Variants in ALG1 observed in about 807,000 individuals in gnomAD.
ALG1 encodes the protein chitobiosyldiphosphodolichol beta-mannosyltransferase.
In ALG1, 58 loss-of-function variants were observed where a neutral mutation model predicts 55.1. That is an observed-to-expected ratio of 1.05 (90% CI 0.85 to 1.31). ALG1 has a LOEUF of 1.31. Ranked by LOEUF, ALG1 falls within the 50% of genes most tolerant of loss-of-function variation. The pLI is 0.00. For missense variants in ALG1, 761 were observed against 598.6 expected, an observed-to-expected ratio of 1.27 and a Z score of -2.83; for synonymous variants, 309 against 247.0, an observed-to-expected ratio of 1.25 and a Z score of -2.35.
rs745454641 is a variant in ALG1 at position 5,078,037 on chromosome 16, C to G, written c.740+20C>G. On this transcript the variant is annotated intron_variant, in intron 6 of 12. Transcript: ENST00000262374. ...GGCCCGGTAGGCCTCCCATCCTCAG[C>G]TGCCTTCTCTCCTGCTCGCCACTGC... The G allele has an allele frequency of 1.9e-6, 3 of 1,596,522 alleles. No homozygotes were observed. In the African/African-American group the frequency reaches 4.0e-5, roughly 21 times the overall value.
chr16:5,083,912 C>T (rs1360605319), intron 12 of ALG1, among the ~76,000 whole-genome samples, 155 bp downstream of exon 12: 3 of 152,156 alleles, frequency 2.0e-5, no homozygotes, highest in African/African-American at 4.8e-5. Flanking sequence ...GGCTGGCCCA[C>T]TCTGCTGTCC....
rs766302278 is a variant in ALG1, at chr16:5,078,922, C to G, written c.862+44C>G. The G allele has an allele frequency of 4.4e-6, 7 of 1,605,918 alleles. No homozygotes were observed. In the Admixed American group the frequency reaches 1.2e-4, roughly 27 times the overall value. On this transcript the variant is annotated intron_variant, in intron 7 of 12. Transcript: ENST00000262374. ...GCACTTGGGGTTGGTGTGACGGGCA[C>G]CTGGCCAACCTGTGTTCTCCTCACC...
chr16:5,085,377 C>G lies in ALG1; in HGVS notation c.*496C>G, dbSNP rs1335028747. 4 of 541,490 alleles carry G rather than the reference C, an allele frequency of 7.4e-6. No homozygotes were observed. The highest frequency in any genetic ancestry group is 5.7e-5 in the African/African-American group (3 of 52,238). The allele number at this position is 541,490 out of a possible 1,614,324, so 33.5% of individuals were successfully genotyped here. A position where few individuals can be genotyped will look rare whatever the true frequency, so the allele number is the denominator to read the frequency against. On this transcript the variant is annotated 3_prime_UTR_variant, in exon 13 of 13. Coordinates refer to ENST00000262374, the MANE Select transcript of ALG1 (RefSeq NM_019109.5). ...CGTTTTTATTTGCACAAAGAAAATG[C>G]TATTTTTGGAGCCAGAATTTTCATG...
intron 10 of ALG1, among the ~76,000 whole-genome samples, chr16:5,082,306 C>G (rs1440272869): frequency 3.3e-5 from 5 of 151,446 alleles, no homozygotes; most frequent in Non-Finnish European, 5.9e-5. Context: ...GAATGAGACT[C>G]TGTCTCAAAA....
chr16:5,080,653 C>A (rs1596259250), intron 9 of ALG1, among the ~76,000 whole-genome samples: 2 of 152,204 alleles, frequency 1.3e-5, no homozygotes, highest in Non-Finnish European at 2.9e-5. Context: ...AAGGCTGGGT[C>A]CACCCAGTGG....
chr16:5,078,233 C>T (rs1310485846), intron 6 of ALG1: 13 of 712,204 alleles, frequency 1.8e-5, no homozygotes, highest in East Asian at 5.4e-5. Context: ...ATAGCAGAAT[C>T]GCGTTTTGCA....
At chr16:5,075,228 T>C (rs1956888318) in intron 3 of ALG1, among the ~76,000 whole-genome samples, 160 bp from the exon 4 acceptor site, 1 of 152,212 alleles carries the variant, frequency 6.6e-6, no homozygotes, top group South Asian at 2.1e-4. Flanking sequence ...TATGACTTTT[T>C]ACATCTATTT....
In ALG1 at chr16:5,072,954, C is replaced by G. The variant is rs200605408; in HGVS notation, c.212C>G (p.Ser71Cys). 1 of 1,614,162 alleles carries G rather than the reference C, an allele frequency of 6.2e-7. No homozygotes were observed. The highest frequency in any genetic ancestry group is 1.3e-5 in the African/African-American group (1 of 75,050). ...AGGGATCATTCTCATTTTTCAGACT[C>G]CAAACCCCATGATGAGCTCTTGCAG... ...FSVTLLGFCNSKPHDELLQNN... is the reference protein window; with the variant it reads ...FSVTLLGFCNCKPHDELLQNN... The change falls in exon 2 of 13, where the codon TCC (serine) becomes TGC (cysteine). Residue 71 changes from serine to cysteine, a missense_variant. Ser to Cys is a moderately radical substitution (Grantham distance 112). Transcript: ENST00000262374.
Position 5,083,655 on chromosome 16 carries a change from C to G in ALG1, c.1188-27C>G, listed in dbSNP as rs765646642. ...GGTCTGGTGTCTTCTACAGGCAGCTCTCAGGCTCCCTTGGTTCTCTCTGCA... is the reference window on the plus strand; with the variant it reads ...GGTCTGGTGTCTTCTACAGGCAGCTGTCAGGCTCCCTTGGTTCTCTCTGCA... On this transcript the variant is annotated intron_variant, in intron 11 of 12. Transcript: ENST00000262374. 16 of 1,600,628 alleles carry G rather than the reference C, an allele frequency of 1.0e-5. No individual in the cohort carries two copies. In the African/African-American group the frequency reaches 1.7e-4, roughly 17 times the overall value.
At position 5,084,848 on chromosome 16, in the gene ALG1, G is replaced by A. The variant is rs760747036; in HGVS notation, c.1362G>A (p.Val454=). 4 of 1,596,374 alleles carry A rather than the reference G, an allele frequency of 2.5e-6. No individual in the cohort carries two copies. In the African/African-American group the frequency reaches 5.3e-5, roughly 21 times the overall value. Residue 454 remains valine (V), a synonymous_variant, in exon 13 of 13, where the codon GTG becomes GTA. Coordinates refer to ENST00000262374, the MANE Select transcript of ALG1 (RefSeq NM_019109.5). ...AGCTCCGATGGGATGAGAGCTGGGT[G>A]CAGACTGTGCTCCCTTTGGTTATGG... The part of the protein sequence containing the change: ...SQQLRWDESW[V]QTVLPLVMDT
chr16:5,072,260 G>A (rs2142699582), intron 1 of ALG1: 1 of 1,466,360 alleles, frequency 6.8e-7, no homozygotes, highest in Non-Finnish European at 9.0e-7. Context: ...CGTGTCAGAA[G>A]TGTGTTAAGT....
At chr16:5,080,371 T>C (rs917294074) in intron 9 of ALG1, among the ~76,000 whole-genome samples, 5 of 152,202 alleles carry the variant, frequency 3.3e-5, no homozygotes, top group African/African-American at 9.6e-5. Context: ...GGCCATGTCA[T>C]TGGTGCCTTA....
At chr16:5,084,705 T>G in intron 12 of ALG1, 45 bp from the exon 13 acceptor site, 16 of 1,595,988 alleles carry the variant, frequency 1.0e-5, no homozygotes, top group Non-Finnish European at 1.4e-5. Flanking sequence ...TGGGATGGGG[T>G]GGGGACAGGC....
chr16:5,073,233 C>G lies in ALG1; in HGVS notation c.367C>G (p.Pro123Ala), dbSNP rs765724847. 6.2e-7 allele frequency: 1 copy of G among 1,614,094 alleles called. No individual in the cohort carries two copies. The highest frequency in any genetic ancestry group is 1.7e-5 in the Admixed American group (1 of 60,022). ...YLLWKLMWREPGAYIFLQNPP... is the reference protein window; with the variant it reads ...YLLWKLMWREAGAYIFLQNPP... ...GCTGTGGAAGTTGATGTGGAGGGAG[C>G]CAGGTGCCTATATCTTTCTCCAGGT... Residue 123 changes from proline (P) to alanine (A), a missense_variant, in exon 3 of 13, where the codon CCA becomes GCA. Coordinates refer to ENST00000262374, the MANE Select transcript of ALG1 (RefSeq NM_019109.5).
At position 5,086,882 on chromosome 16, in the gene ALG1, G is replaced by A. The variant is rs1474954907; in HGVS notation, c.*2001G>A. 4 of 152,148 alleles carry A rather than the reference G, an allele frequency of 2.6e-5. No individual in the cohort carries two copies. Among genetic ancestry groups the A allele is most frequent in the Non-Finnish European group, 5.9e-5 (4 of 68,056 alleles). The allele number at this position is 152,148 out of a possible 1,614,324, so 9.4% of individuals were successfully genotyped here. A position where few individuals can be genotyped will look rare whatever the true frequency, so the allele number is the denominator to read the frequency against. On this transcript the variant is annotated 3_prime_UTR_variant, in exon 13 of 13. Transcript: ENST00000262374. ...GGGTTTCACCATGTGGGCCAGGCTG[G>A]TCTTGAACTCGACCTCCCGTGATCT...
At chr16:5,081,172 T>C in intron 10 of ALG1, 116 bp downstream of exon 10, 3 of 1,249,150 alleles carry the variant, frequency 2.4e-6, no homozygotes, top group South Asian at 2.9e-5. Context: ...GGGCTCTGGC[T>C]GAACTCCCAG....
intron 4 of ALG1, among the ~76,000 whole-genome samples, chr16:5,076,987 G>A (rs1327510210): frequency 6.6e-6 from 1 of 151,750 alleles, no homozygotes; most frequent in Admixed American, 6.6e-5. Context: ...TAGAGACAGG[G>A]TTTCACCACG....
rs1956987899 is a variant in ALG1, at chr16:5,079,989, G to A, written c.961+182G>A. 2.0e-5 allele frequency among the ~76,000 whole-genome samples: 3 copies of A among 151,970 alleles called. 1 individual carries two copies. The South Asian group carries it at 6.2e-4, about 32-fold the overall frequency. On this transcript the variant is annotated intron_variant, in intron 9 of 12. Transcript: ENST00000262374. ...GCTCAGAGGCAGGGCAGGGAGCCCA[G>A]ATTTGAATCTGTAGATACCAAGCTT...
In ALG1 at chr16:5,087,056, G is replaced by A. The variant is rs530474524; in HGVS notation, c.*2175G>A. The A allele has an allele frequency of 1.3e-5, 2 of 152,300 alleles. No homozygotes were observed. Among genetic ancestry groups the A allele is most frequent in the African/African-American group, 4.8e-5 (2 of 41,558 alleles). The allele number at this position is 152,300 out of a possible 1,614,324, so 9.4% of individuals were successfully genotyped here. On this transcript the variant is annotated 3_prime_UTR_variant, in exon 13 of 13. Coordinates refer to ENST00000262374, the MANE Select transcript of ALG1 (RefSeq NM_019109.5). ...AGAATGAAGTAGTACAGACATGAAT[G>A]TGTAGAAATCTCTATAATCCTGCCA...
Sources: allele counts gnomAD v4.1 joint callset (sites outside exome capture counted in the v4.1 genomes callset), GRCh38; gene constraint gnomAD v4.1.1; transcripts MANE v1.5; gene names NCBI Gene and HGNC (gene_info 2026-07-23, HGNC 2026-07-21).